Variants in PPP6R3 observed in about 807,000 individuals in gnomAD.
The protein encoded by PPP6R3 is serine/threonine-protein phosphatase 6 regulatory subunit 3.
In PPP6R3, 38 loss-of-function variants were observed where a neutral mutation model predicts 110.7. That is an observed-to-expected ratio of 0.34 (90% CI 0.26 to 0.45). PPP6R3 has a LOEUF of 0.45. Ranked by LOEUF, PPP6R3 falls within the 20% of genes least tolerant of loss-of-function variation. PPP6R3 has a pLI of 1.00. For missense variants in PPP6R3, 870 were observed against 1,062.4 expected (o/e 0.82, Z 2.52); for synonymous variants, 369 against 373.5 (o/e 0.99, Z 0.14).
intron 2 of PPP6R3, among the ~76,000 whole-genome samples, chr11:68,534,506 T>C (rs191038831): frequency 1.3e-5 from 2 of 152,312 alleles, no homozygotes; most frequent in Admixed American, 1.3e-4. Flanking sequence ...ATGAGTTTCC[T>C]TTATAATAAG....
At chr11:68,610,408 G>A (rs1205221602) in intron 23 of PPP6R3, among the ~76,000 whole-genome samples, 2 of 152,138 alleles carry the variant, frequency 1.3e-5, no homozygotes, top group Non-Finnish European at 2.9e-5. Flanking sequence ...CGCCAGGCAC[G>A]AGCAGATCGT....
At chr11:68,574,616 C>G (rs1319068313) in intron 13 of PPP6R3, among the ~76,000 whole-genome samples, 1 of 152,176 alleles carries the variant, frequency 6.6e-6, no homozygotes, top group Non-Finnish European at 1.5e-5. Flanking sequence ...TATATAGCCT[C>G]TGAATTAAGT....
At chr11:68,570,187 C>CA (rs1190020024) in intron 11 of PPP6R3, among the ~76,000 whole-genome samples, 1 of 152,160 alleles carries the variant, frequency 6.6e-6, no homozygotes, top group Admixed American at 6.5e-5. Flanking sequence ...TTTGAAGAAT[C>CA]ATAGAAATTT....
chr11:68,606,526 G>C (rs1178540459), intron 22 of PPP6R3, among the ~76,000 whole-genome samples: 1 of 149,442 alleles, frequency 6.7e-6, no homozygotes, highest in African/African-American at 2.5e-5. Context: ...ATGTTGCCCA[G>C]GCTGGTCTCA....
At chr11:68,500,127 G>GT (rs1344441629) in intron 1 of PPP6R3, among the ~76,000 whole-genome samples, 1 of 152,030 alleles carries the variant, frequency 6.6e-6, no homozygotes, top group Non-Finnish European at 1.5e-5. Context: ...ACTCTTAACC[G>GT]TAACAACCAC....
chr11:68,551,573 T>G (rs1166795701), intron 6 of PPP6R3, among the ~76,000 whole-genome samples: 1 of 152,134 alleles, frequency 6.6e-6, no homozygotes, highest in Non-Finnish European at 1.5e-5. Flanking sequence ...CACTGCAACC[T>G]CCACCTCCCA....
chr11:68,562,698 G>C (rs889191162), intron 8 of PPP6R3, among the ~76,000 whole-genome samples: 2 of 152,150 alleles, frequency 1.3e-5, no homozygotes, highest in Non-Finnish European at 2.9e-5. Context: ...TGAATGGTTA[G>C]GTATTCTATG....
At chr11:68,565,491 C>T (rs1593235980) in intron 9 of PPP6R3, among the ~76,000 whole-genome samples, 1 of 151,584 alleles carries the variant, frequency 6.6e-6, no homozygotes, top group Non-Finnish European at 1.5e-5. Flanking sequence ...TCATGCCAGT[C>T]CTGGGAAGAA....
intron 1 of PPP6R3, among the ~76,000 whole-genome samples, chr11:68,473,066 C>T (rs548141446): frequency 6.6e-6 from 1 of 152,208 alleles, no homozygotes; most frequent in East Asian, 1.9e-4. Flanking sequence ...GCATACAGCT[C>T]CTAAAATCTT....
chr11:68,539,768 A>T (rs2099300504), intron 3 of PPP6R3, among the ~76,000 whole-genome samples: 1 of 152,172 alleles, frequency 6.6e-6, no homozygotes, highest in Admixed American at 6.5e-5. Context: ...TCCCCCAATA[A>T]TTTTTCAGAT....
At chr11:68,567,443 G>A (rs567689035) in intron 10 of PPP6R3, among the ~76,000 whole-genome samples, 1 of 152,320 alleles carries the variant, frequency 6.6e-6, no homozygotes, top group African/African-American at 2.4e-5. Flanking sequence ...TCCGTCTCGT[G>A]GACAATGACT....
intron 19 of PPP6R3, among the ~76,000 whole-genome samples, chr11:68,599,979 A>G (rs911359521): frequency 6.6e-6 from 1 of 152,184 alleles, no homozygotes; most frequent in African/African-American, 2.4e-5. Context: ...AAAATTAGCC[A>G]GGCGTGATGG....
Position 68,591,620 on chromosome 11 carries a change from A to G in PPP6R3, c.1830A>G (p.Gln610=). 1 of 1,612,892 alleles carries G rather than the reference A, an allele frequency of 6.2e-7. No individual in the cohort carries two copies. The highest frequency in any genetic ancestry group is 8.5e-7 in the Non-Finnish European group (1 of 1,179,452). Residue 610 remains glutamine, a synonymous_variant, in exon 18 of 24, where the codon CAA becomes CAG. Transcript: ENST00000393800. ...LFEACCKERI[Q]QFDDGGSDEE... is the part of the protein sequence containing the mutation. ...AAGCATGTTGTAAGGAAAGAATACA[A>G]CAGTTTGATGATGGTGGCTCTGATG...
In PPP6R3 at chr11:68,615,176, G is replaced by A. The variant is rs1566272342; in HGVS notation, c.*2059G>A. 1 of 444,286 alleles carries A rather than the reference G, an allele frequency of 2.3e-6. No individual in the cohort carries two copies. Among genetic ancestry groups the A allele is most frequent in the South Asian group, 1.6e-5 (1 of 63,212 alleles). The allele number at this position is 444,286 out of a possible 1,614,324, so 27.5% of individuals were successfully genotyped here. A position where few individuals can be genotyped will look rare whatever the true frequency, so the allele number is the denominator to read the frequency against. ...GAGGACAGTTCTTTTGGAGGTTGGA[G>A]GGGCCAAGCCAAGGACAGGAGCAAG... On this transcript the variant is annotated 3_prime_UTR_variant, in exon 24 of 24. Coordinates refer to ENST00000393800, the MANE Select transcript of PPP6R3 (RefSeq NM_001164161.2).
chr11:68,473,753 G>A (rs1260489080), intron 1 of PPP6R3, among the ~76,000 whole-genome samples: 4 of 152,184 alleles, frequency 2.6e-5, no homozygotes, highest in Admixed American at 2.6e-4. Flanking sequence ...TAAGTATCCT[G>A]TGTTGATTGT....
chr11:68,564,628 A>T (rs2099450432), intron 9 of PPP6R3, among the ~76,000 whole-genome samples, 196 bp downstream of exon 9: 2 of 152,360 alleles, frequency 1.3e-5, no homozygotes, highest in Middle Eastern at 3.4e-3. Context: ...TCATCAGTTT[A>T]GGAAGTTTAC....
At chr11:68,609,840 T>G (rs1418664238) in intron 22 of PPP6R3, 64 bp from the exon 23 acceptor site, 22 of 1,606,620 alleles carry the variant, frequency 1.4e-5, no homozygotes, top group Non-Finnish European at 1.9e-5. Flanking sequence ...TGTGACCTCA[T>G]CCTCTGGTGC....
At chr11:68,499,827 C>T (rs148104159) in intron 1 of PPP6R3, among the ~76,000 whole-genome samples, 1 of 152,230 alleles carries the variant, frequency 6.6e-6, no homozygotes, top group Non-Finnish European at 1.5e-5. Context: ...CCCACCTCGG[C>T]CCTCCAAAGT....
intron 15 of PPP6R3, among the ~76,000 whole-genome samples, chr11:68,585,221 G>C (rs1000836498): frequency 3.9e-5 from 6 of 152,184 alleles, no homozygotes; most frequent in African/African-American, 1.4e-4. Context: ...CCCTGATTCT[G>C]CCTTATAGAG....
Sources: gnomAD v4.1 joint callset for allele counts (sites outside exome capture counted in the v4.1 genomes callset) on GRCh38, gnomAD v4.1.1 for gene constraint, MANE v1.5 for transcripts, NCBI Gene and HGNC (gene_info 2026-07-23, HGNC 2026-07-21) for gene names.